The following SLC66A2 variants were observed in gnomAD, a reference collection of about 807,000 sequenced individuals.
The protein encoded by SLC66A2 is PQ loop repeat containing 1.
A neutral mutation model predicts 25.5 loss-of-function variants in SLC66A2; 23 were observed. The observed-to-expected ratio is 0.90, with a 90% confidence interval of 0.65 to 1.28. SLC66A2 has a LOEUF of 1.28. SLC66A2 is among the 50% of genes most tolerant of loss of function. SLC66A2 has a pLI of 0.00. For missense variants in SLC66A2, 396 were observed against 373.1 expected, an observed-to-expected ratio of 1.06 and a Z score of -0.51; for synonymous variants, 193 against 166.5, an observed-to-expected ratio of 1.16 and a Z score of -1.23.
chr18:79,936,061 G>A (rs1446801520), intron 3 of SLC66A2, among the ~76,000 whole-genome samples: 1 of 152,246 alleles, frequency 6.6e-6, no homozygotes, highest in Non-Finnish European at 1.5e-5. Flanking sequence ...GAGGCTGGCT[G>A]GGCCACAGAG....
intron 5 of SLC66A2, among the ~76,000 whole-genome samples, chr18:79,909,666 T>G (rs1316881323): frequency 1.1e-5 from 1 of 92,188 alleles, no homozygotes; most frequent in Admixed American, 1.4e-4. Context: ...GTCCCCAACC[T>G]TCCCCACCAT....
At chr18:79,912,162 G>A (rs1308171071) in intron 5 of SLC66A2, among the ~76,000 whole-genome samples, 1 of 151,266 alleles carries the variant, frequency 6.6e-6, no homozygotes, top group Admixed American at 6.6e-5. Flanking sequence ...GCAGCAGCGA[G>A]GGGATGGGAG....
rs1412082686 is a variant in SLC66A2, at chr18:79,918,253, C to T, written c.608+931G>A. ...CCAACACAAAAACGCGTCAGCCCCT[C>T]TCTTCCAGGCTGTTTCCCACAAATA... is the stretch of plus-strand genomic sequence containing the variant. On this transcript the variant is annotated intron_variant, in intron 5 of 5. Transcript: ENST00000397778. This position sits in a 1 kb window ranked among gnomAD's most constrained non-coding sequence, Gnocchi z 4.0. 6.6e-6 allele frequency among the ~76,000 whole-genome samples: 1 copy of T among 152,242 alleles called. No homozygotes were observed. Among genetic ancestry groups the T allele is most frequent in the Non-Finnish European group, 1.5e-5 (1 of 68,042 alleles).
Position 79,950,852 on chromosome 18 carries a change from C to T in SLC66A2, c.75G>A (p.Met25Ile), listed in dbSNP as rs752337487. The T allele has an allele frequency of 1.2e-6, 2 of 1,610,902 alleles. No homozygotes were observed. Among genetic ancestry groups the T allele is most frequent in the East Asian group, 2.2e-5 (1 of 44,730 alleles). The change falls in exon 2 of 6, where the codon ATG becomes ATA. Residue 25 changes from methionine to isoleucine, a missense_variant. Physicochemically the swap from Met to Ile is conservative, Grantham distance 10 (BLOSUM62 1). Transcript: ENST00000397778. ...QLVSWGAAAA[M>I]VFGGVVPYVP... Reference sequence around the variant, plus strand: ...CGTAGGGCACCACCCCTCCGAAGACCATGGCCGCGGCCGCGCCCCAGGACA... The same window carrying T: ...CGTAGGGCACCACCCCTCCGAAGACTATGGCCGCGGCCGCGCCCCAGGACA...
At chr18:79,929,557 T>C (rs1986353102) in intron 4 of SLC66A2, among the ~76,000 whole-genome samples, 1 of 152,092 alleles carries the variant, frequency 6.6e-6, no homozygotes, top group Non-Finnish European at 1.5e-5. Context: ...AACAGAAAAG[T>C]GTGGTTCACA....
Position 79,950,809 on chromosome 18 carries a change from T to TTCTGC in SLC66A2, c.117_118insGCAGA (p.Ile40AlafsTer47). The TTCTGC allele has an allele frequency of 6.2e-7, 1 of 1,613,106 alleles. No individual in the cohort carries two copies. Among genetic ancestry groups the TTCTGC allele is most frequent in the Non-Finnish European group, 8.5e-7 (1 of 1,179,978 alleles). On this transcript the variant is annotated frameshift_variant, in exon 2 of 6. Transcript: ENST00000397778. LOFTEE classifies it high-confidence loss of function. ...CCGTCGGCGTTCTGCGTCCTGCGAA[T>TTCTGC]GTCCCGATACTGCGGGACGTAGGGC...
chr18:79,933,055 T>C (rs984301456), intron 4 of SLC66A2, among the ~76,000 whole-genome samples: 2 of 152,054 alleles, frequency 1.3e-5, no homozygotes, highest in African/African-American at 4.8e-5. Flanking sequence ...CCCAATACAA[T>C]ACTAGCAAAT....
chr18:79,930,431 G>A (rs1158112851), intron 4 of SLC66A2: 1 of 152,012 alleles, frequency 6.6e-6, no homozygotes, highest in Non-Finnish European at 1.5e-5. Flanking sequence ...GTTGCTAGTA[G>A]GCAGACCTTA....
intron 5 of SLC66A2, among the ~76,000 whole-genome samples, chr18:79,909,928 T>TCA (rs1982777307): frequency 1.2e-5 from 1 of 85,388 alleles, no homozygotes; most frequent in African/African-American, 4.9e-5. Context: ...CCCCACCATC[T>TCA]CACCACAGTC....
chr18:79,911,092 G>A (rs568820215), intron 5 of SLC66A2, among the ~76,000 whole-genome samples: 3 of 152,372 alleles, frequency 2.0e-5, no homozygotes, highest in Admixed American at 2.0e-4. Flanking sequence ...CCCCAGGAAG[G>A]AAGAGCAGAG....
chr18:79,938,260 G>A (rs754278958), intron 3 of SLC66A2, among the ~76,000 whole-genome samples: 1 of 152,152 alleles, frequency 6.6e-6, no homozygotes, highest in Non-Finnish European at 1.5e-5. Context: ...CTTGGTAAAC[G>A]CTTGAAATTC....
chr18:79,906,012 T>C (rs1205415883), intron 5 of SLC66A2, among the ~76,000 whole-genome samples: 1 of 152,248 alleles, frequency 6.6e-6, no homozygotes, highest in Non-Finnish European at 1.5e-5. Flanking sequence ...TCTTCTTGGG[T>C]TAAAGGAATT....
intron 2 of SLC66A2, among the ~76,000 whole-genome samples, chr18:79,947,812 A>G (rs1426395766): frequency 1.3e-5 from 2 of 149,094 alleles, no homozygotes; most frequent in South Asian, 2.2e-4. Flanking sequence ...AAGCCTGGAG[A>G]GGGGAAGCCA....
In SLC66A2 at chr18:79,908,942, T is replaced by G. The variant is rs1390806270; in HGVS notation, c.609-4759A>C. ...GTTAGAGCACAGTTACAACAGTGAC[T>G]TCAAAATCTTGGATAAGTCTGATCT... On this transcript the variant is annotated intron_variant, in intron 5 of 5. Transcript: ENST00000397778. Among the ~76,000 whole-genome samples, 4 of 152,268 alleles carry G rather than the reference T, an allele frequency of 2.6e-5. No homozygotes were observed. The East Asian group carries it at 7.7e-4, about 29-fold the overall frequency.
chr18:79,919,969 CA>C (rs1469611796), intron 4 of SLC66A2, among the ~76,000 whole-genome samples: 1 of 12,432 alleles, frequency 8.0e-5, no homozygotes, highest in African/African-American at 6.3e-4. Context: ...TGAGGAGAGA[CA>C]GGAACCGAGG....
rs536336939 is a variant in SLC66A2, at chr18:79,910,560, G to A, written c.609-6377C>T. Reference sequence around the variant, plus strand: ...TCTTCTAAATTTGAGCATTTTTTTCGCATCACACATGAATGAACTAAGCTG... The same window carrying A: ...TCTTCTAAATTTGAGCATTTTTTTCACATCACACATGAATGAACTAAGCTG... On this transcript the variant is annotated intron_variant, in intron 5 of 5. Coordinates refer to ENST00000397778, the MANE Select transcript of SLC66A2 (RefSeq NM_025078.5). Among the ~76,000 whole-genome samples, 28 of 151,934 alleles carry A rather than the reference G, an allele frequency of 1.8e-4. No individual in the cohort carries two copies. In the South Asian group the frequency reaches 1.9e-3, roughly 10 times the overall value.
At position 79,936,265 on chromosome 18, in the gene SLC66A2, C is replaced by T. The variant is rs1461176452; in HGVS notation, c.338-2243G>A. 5.3e-5 allele frequency among the ~76,000 whole-genome samples: 8 copies of T among 152,168 alleles called. No individual in the cohort carries two copies. The South Asian group carries it at 6.2e-4, about 12-fold the overall frequency. ...TGATCACAGTGGCCCAGGCGAGCCC[C>T]CAATGGGAGGTACACAGGCAGATAC... On this transcript the variant is annotated intron_variant, in intron 3 of 5. Transcript: ENST00000397778.
Position 79,903,847 on chromosome 18 carries a change from G to A in SLC66A2, c.*129C>T. ...CCTGAGACACCCCACAGAGGCTGAT[G>A]GAGACCCCAATGCCCATGCCCCATC... is the stretch of plus-strand genomic sequence containing the variant. On this transcript the variant is annotated 3_prime_UTR_variant, in exon 6 of 6. Transcript: ENST00000397778. The A allele has an allele frequency of 1.4e-6, 1 of 693,262 alleles. No homozygotes were observed. Among genetic ancestry groups the A allele is most frequent in the South Asian group, 1.8e-5 (1 of 55,200 alleles). The allele number at this position is 693,262 out of a possible 1,614,324, so 42.9% of individuals were successfully genotyped here. A position where few individuals can be genotyped will look rare whatever the true frequency, so the allele number is the denominator to read the frequency against.
chr18:79,934,685 G>A (rs1986905741), intron 3 of SLC66A2, among the ~76,000 whole-genome samples: 1 of 152,210 alleles, frequency 6.6e-6, no homozygotes, highest in African/African-American at 2.4e-5. Context: ...GGAAAACAGT[G>A]TGGCCTCTAG....
Sources: gnomAD v4.1 joint callset for allele counts (sites outside exome capture counted in the v4.1 genomes callset) on GRCh38, gnomAD v4.1.1 for gene constraint, Gnocchi (gnomAD v3.1) non-coding constraint, MANE v1.5 for transcripts, NCBI Gene and HGNC (gene_info 2026-07-23, HGNC 2026-07-21) for gene names.